BAALC: variants seen among roughly 807,000 people sequenced by gnomAD.
The protein encoded by BAALC is brain and acute leukemia cytoplasmic protein.
BAALC carries 9 observed loss-of-function variants against 15.5 expected under a neutral mutation model. The observed-to-expected ratio is 0.58, with a 90% CI of 0.35 to 1.02. The LOEUF (loss-of-function observed/expected upper bound fraction) is 1.02, where lower values mean the gene tolerates loss of function less well. Ranked by LOEUF, BAALC falls within the 50% of genes least tolerant of loss-of-function variation. BAALC has a pLI of 0.02. For synonymous variants in BAALC, 80 were observed against 74.6 expected (o/e 1.07, Z -0.37); for missense variants, 201 against 192.4 (o/e 1.04, Z -0.27).
At chr8:103,188,578 A>G (rs1163247704) in intron 1 of BAALC, among the ~76,000 whole-genome samples, 1 of 152,254 alleles carries the variant, frequency 6.6e-6, no homozygotes, top group East Asian at 1.9e-4. Flanking sequence ...TTTGTGTTTT[A>G]GGAAGTCAGA....
At chr8:103,213,130 G>T in intron 2 of BAALC, 45 bp downstream of exon 2, 1 of 1,597,518 alleles carries the variant, frequency 6.3e-7, no homozygotes, top group Non-Finnish European at 8.5e-7. Context: ...GAGAATGGGG[G>T]TAGGGCTTGC....
intron 1 of BAALC, among the ~76,000 whole-genome samples, chr8:103,193,780 A>G (rs62528473): frequency 0.067 from 10,147 of 152,310 alleles, 466 homozygotes; most frequent in Non-Finnish European, 0.1. Flanking sequence ...CTGAAAGGTC[A>G]TACAAGGGAC....
At chr8:103,163,348 C>T (rs6468862) in intron 1 of BAALC, among the ~76,000 whole-genome samples, 62,888 of 151,902 alleles carry the variant, frequency 0.41, 13,685 homozygotes, top group Middle Eastern at 0.51. Flanking sequence ...AGTGGCTGCT[C>T]CCCGCCATAT....
intron 1 of BAALC, chr8:103,183,527 C>T: frequency 2.9e-6 from 2 of 690,250 alleles, no homozygotes. Flanking sequence ...GACAACTCTG[C>T]AAAACCAGGT....
chr8:103,189,874 G>A (rs535225800), intron 1 of BAALC, among the ~76,000 whole-genome samples: 2 of 152,320 alleles, frequency 1.3e-5, no homozygotes, highest in South Asian at 2.1e-4. Context: ...GGGAAGATCC[G>A]TCTTCCTGTC....
chr8:103,188,419 C>A (rs1811893749), intron 1 of BAALC, among the ~76,000 whole-genome samples: 1 of 152,100 alleles, frequency 6.6e-6, no homozygotes, highest in Non-Finnish European at 1.5e-5. Flanking sequence ...GATGGGGTTA[C>A]TGGGAAAAGG....
intron 1 of BAALC, among the ~76,000 whole-genome samples, chr8:103,169,986 G>T (rs192208093): frequency 6.6e-6 from 1 of 152,208 alleles, no homozygotes; most frequent in East Asian, 1.9e-4. Flanking sequence ...TAAAAAACAC[G>T]TTGTACTCAA....
intron 1 of BAALC, among the ~76,000 whole-genome samples, chr8:103,192,121 A>G (rs868266317): frequency 1.2e-4 from 18 of 152,124 alleles, no homozygotes; most frequent in African/African-American, 4.3e-4. Context: ...GTGCGATCTC[A>G]GCTCACCACA....
intron 1 of BAALC, among the ~76,000 whole-genome samples, chr8:103,193,677 G>A (rs58672388): frequency 0.025 from 3,831 of 152,216 alleles, 156 homozygotes; most frequent in African/African-American, 0.087. Context: ...TGGCCTCTCT[G>A]AGCCACTGTT....
chr8:103,198,720 A>G (rs924292595), intron 1 of BAALC, among the ~76,000 whole-genome samples: 3 of 152,032 alleles, frequency 2.0e-5, no homozygotes, highest in African/African-American at 7.2e-5. Context: ...CCGGGGCAAC[A>G]TGGTGAAACC....
chr8:103,213,200 G>GAA, intron 2 of BAALC, 115 bp downstream of exon 2: 3 of 1,158,674 alleles, frequency 2.6e-6, no homozygotes, highest in Non-Finnish European at 3.5e-6. Context: ...GCTCATCTTG[G>GAA]AAAAAAAAAG....
At chr8:103,157,305 A>G (rs1811117657) in intron 1 of BAALC, among the ~76,000 whole-genome samples, 1 of 152,082 alleles carries the variant, frequency 6.6e-6, no homozygotes, top group South Asian at 2.1e-4. Context: ...TTATACGCAC[A>G]TATTTCAAGC....
chr8:103,181,781 A>G (rs1811735735), intron 1 of BAALC, among the ~76,000 whole-genome samples: 1 of 152,212 alleles, frequency 6.6e-6, no homozygotes, highest in African/African-American at 2.4e-5. Flanking sequence ...TCTATGGGCC[A>G]AACATGCTGC....
intron 1 of BAALC, among the ~76,000 whole-genome samples, chr8:103,149,375 C>T (rs1254694241): frequency 6.6e-6 from 1 of 152,232 alleles, no homozygotes; most frequent in Non-Finnish European, 1.5e-5. Context: ...GCATCCCAGT[C>T]ACCTGACAGG....
chr8:103,221,825 G>A (rs1812683639), intron 2 of BAALC, among the ~76,000 whole-genome samples: 2 of 152,156 alleles, frequency 1.3e-5, no homozygotes, highest in Non-Finnish European at 2.9e-5. Flanking sequence ...TACAATATTT[G>A]AAGAGATTTA....
intron 1 of BAALC, among the ~76,000 whole-genome samples, chr8:103,194,033 G>GA: frequency 6.6e-6 from 1 of 152,294 alleles, no homozygotes; most frequent in South Asian, 2.1e-4. Flanking sequence ...TGTCTCGCAA[G>GA]AAAAAATATC....
intron 1 of BAALC, chr8:103,171,997 G>A (rs1811506792): frequency 6.6e-6 from 1 of 152,156 alleles, no homozygotes. Context: ...CAGCTGCCTT[G>A]GCTTAGAATT....
chr8:103,211,555 TCC>T (rs1489825472), intron 1 of BAALC, among the ~76,000 whole-genome samples: 1 of 152,224 alleles, frequency 6.6e-6, no homozygotes, highest in Non-Finnish European at 1.5e-5. Flanking sequence ...TTTGGGGATC[TCC>T]ATTGCAGAGT....
Position 103,140,912 on chromosome 8 carries a change from G to A in BAALC, c.15G>A (p.Gly5=), listed in dbSNP as rs994283387. The A allele has an allele frequency of 1.2e-5, 18 of 1,518,242 alleles. No homozygotes were observed. The highest frequency in any genetic ancestry group is 8.4e-5 in the Admixed American group (4 of 47,384). 94.0% of individuals were successfully genotyped at this position (1,518,242 alleles called of 1,614,324 possible). The change falls in exon 1 of 3, where the codon GGG becomes GGA. Residue 5 remains glycine (G), a synonymous_variant. Coordinates refer to ENST00000309982, the MANE Select transcript of BAALC (RefSeq NM_024812.3). The surrounding 1 kb of genome is among the most constrained non-coding windows in gnomAD (Gnocchi z 4.2). ...GGCGCAGGAGGATGGGCTGCGGCGG[G>A]AGCCGGGCGGATGCCATCGAGCCCC... The part of the protein sequence containing the change: MGCG[G]SRADAIEPRY...
Sources: gnomAD v4.1 joint callset for allele counts (sites outside exome capture counted in the v4.1 genomes callset) on GRCh38, gnomAD v4.1.1 for gene constraint, Gnocchi (gnomAD v3.1) non-coding constraint, MANE v1.5 for transcripts, NCBI Gene and HGNC (gene_info 2026-07-23, HGNC 2026-07-21) for gene names.